Variants in NARS2 observed in about 807,000 individuals in gnomAD.
NARS2 encodes the protein asparaginyl-tRNA synthetase.
NARS2 carries 60 observed loss-of-function variants against 62.9 expected under a neutral mutation model. That is an observed-to-expected ratio of 0.95 (90% CI 0.77 to 1.18). The LOEUF is 1.18. Ranked by LOEUF, NARS2 falls within the 50% of genes most tolerant of loss-of-function variation. The pLI is 0.00. For missense variants in NARS2, 619 were observed against 576.4 expected (o/e 1.07, Z -0.76); for synonymous variants, 196 against 200.0 (o/e 0.98, Z 0.17).
At chr11:78,441,405 T>C (rs991728958) in intron 12 of NARS2, among the ~76,000 whole-genome samples, 9 of 152,142 alleles carry the variant, frequency 5.9e-5, no homozygotes, top group Non-Finnish European at 1.5e-5. Context: ...TATTATCCTG[T>C]GACATAAGAA....
chr11:78,574,231 T>G, intron 1 of NARS2, 117 bp downstream of exon 1: 1 of 1,375,890 alleles, frequency 7.3e-7, no homozygotes, highest in Non-Finnish European at 1.0e-6. Flanking sequence ...GCCTACACTT[T>G]CTAACTTTTC....
At chr11:78,545,525 T>C (rs796907726) in intron 5 of NARS2, among the ~76,000 whole-genome samples, 9 of 118,154 alleles carry the variant, frequency 7.6e-5, no homozygotes, top group South Asian at 2.4e-4. Context: ...TGCTTTTTCC[T>C]TTTTTTTTTT....
intron 5 of NARS2, among the ~76,000 whole-genome samples, chr11:78,532,749 G>C (rs2086058481): frequency 6.6e-6 from 1 of 152,048 alleles, no homozygotes; most frequent in African/African-American, 2.4e-5. Context: ...CATGTACCCA[G>C]CTCAGACCAG....
At chr11:78,544,099 G>A (rs1855752583) in intron 5 of NARS2, among the ~76,000 whole-genome samples, 1 of 149,534 alleles carries the variant, frequency 6.7e-6, no homozygotes. Context: ...CAACTCCTGT[G>A]TAAATCACTA....
At chr11:78,560,154 T>G (rs547760111) in intron 4 of NARS2, among the ~76,000 whole-genome samples, 2 of 152,096 alleles carry the variant, frequency 1.3e-5, no homozygotes, top group Non-Finnish European at 2.9e-5. Flanking sequence ...AGTAGACAAA[T>G]AGAGACTGAA....
At chr11:78,565,656 T>C (rs116013596) in intron 4 of NARS2, among the ~76,000 whole-genome samples, 1 of 152,278 alleles carries the variant, frequency 6.6e-6, no homozygotes, top group East Asian at 1.9e-4. Flanking sequence ...TGCATTTGTG[T>C]GAGGAAACTA....
At chr11:78,462,728 G>A (rs1230706787) in intron 11 of NARS2, among the ~76,000 whole-genome samples, 1 of 152,176 alleles carries the variant, frequency 6.6e-6, no homozygotes, top group Non-Finnish European at 1.5e-5. Context: ...TTAGAGATGA[G>A]ATGGTAGTGC....
intron 6 of NARS2, among the ~76,000 whole-genome samples, chr11:78,511,492 C>T (rs535380923): frequency 5.9e-5 from 9 of 152,226 alleles, no homozygotes; most frequent in African/African-American, 2.2e-4. Context: ...CCAAGACAGG[C>T]GGATCACAAA....
chr11:78,478,554 T>C (rs1300767372), intron 8 of NARS2, 31 bp downstream of exon 8: 40 of 1,390,886 alleles, frequency 2.9e-5, no homozygotes, highest in Non-Finnish European at 4.1e-5. Context: ...AAACAGTAGA[T>C]GTATTGGGCT....
intron 5 of NARS2, among the ~76,000 whole-genome samples, chr11:78,551,687 C>A (rs912791366): frequency 6.6e-6 from 1 of 151,928 alleles, no homozygotes. Flanking sequence ...CCCGTCTCTA[C>A]TAAAAATACA....
At chr11:78,486,433 C>G (rs1462658759) in intron 7 of NARS2, among the ~76,000 whole-genome samples, 1 of 152,180 alleles carries the variant, frequency 6.6e-6, no homozygotes, top group Admixed American at 6.5e-5. Context: ...CAAAGAAGCA[C>G]AGTGAATGCT....
At chr11:78,458,813 T>A (rs187722232) in intron 11 of NARS2, among the ~76,000 whole-genome samples, 1 of 152,210 alleles carries the variant, frequency 6.6e-6, no homozygotes, top group Non-Finnish European at 1.5e-5. Flanking sequence ...TGTACTTCCA[T>A]AATTCCCACT....
intron 11 of NARS2, among the ~76,000 whole-genome samples, chr11:78,463,120 A>C (rs762241208): frequency 6.6e-6 from 1 of 152,224 alleles, no homozygotes; most frequent in African/African-American, 2.4e-5. Context: ...GCTGGAGCAC[A>C]GTGACACCAT....
At chr11:78,516,194 A>C (rs555998620) in intron 6 of NARS2, among the ~76,000 whole-genome samples, 13 of 152,364 alleles carry the variant, frequency 8.5e-5, no homozygotes, top group Admixed American at 4.6e-4. Context: ...AACATGACAT[A>C]AAAGTACAGA....
chr11:78,458,478 T>C (rs1858254017), intron 11 of NARS2, among the ~76,000 whole-genome samples: 1 of 144,822 alleles, frequency 6.9e-6, no homozygotes, highest in South Asian at 2.3e-4. Flanking sequence ...ACATAGTTTA[T>C]AATACACAGA....
chr11:78,514,237 C>T lies in NARS2; in HGVS notation c.689+14605G>A, dbSNP rs185561596. ...TCCTGGACTCAATAAATCCTCGACC[C>T]TCAGCCTCCCGAGTAGCTGGGACTA... On this transcript the variant is annotated intron_variant, in intron 6 of 13. Coordinates refer to ENST00000281038, the MANE Select transcript of NARS2 (RefSeq NM_024678.6). 1.8e-3 allele frequency among the ~76,000 whole-genome samples: 267 copies of T among 152,262 alleles called. 3 individuals carry two copies. Among genetic ancestry groups the T allele is most frequent in the Middle Eastern group, 6.8e-3 (2 of 294 alleles).
chr11:78,540,213 T>C (rs574081294), intron 5 of NARS2, among the ~76,000 whole-genome samples: 6 of 152,356 alleles, frequency 3.9e-5, no homozygotes, highest in Admixed American at 6.5e-5. Context: ...TTAATGTGTG[T>C]ATCCCAGTGA....
At chr11:78,526,122 T>G (rs1590815201) in intron 6 of NARS2, among the ~76,000 whole-genome samples, 1 of 152,190 alleles carries the variant, frequency 6.6e-6, no homozygotes, top group Non-Finnish European at 1.5e-5. Flanking sequence ...GCTTCATTAA[T>G]AGTAATGTGA....
At chr11:78,563,114 T>C (rs759543521) in intron 4 of NARS2, among the ~76,000 whole-genome samples, 7 of 152,120 alleles carry the variant, frequency 4.6e-5, no homozygotes, top group African/African-American at 1.4e-4. Flanking sequence ...TCCAGGTCTT[T>C]ACAAATACTA....
Sources: allele counts gnomAD v4.1 joint callset (sites outside exome capture counted in the v4.1 genomes callset), GRCh38; gene constraint gnomAD v4.1.1; transcripts MANE v1.5; gene names NCBI Gene and HGNC (gene_info 2026-07-23, HGNC 2026-07-21).